Variants in SLC5A4 observed in about 807,000 individuals in gnomAD.
SLC5A4 encodes the protein probable glucose sensor protein SLC5A4.
Under a neutral mutation model 70.3 loss-of-function variants are expected in SLC5A4, and 55 were observed. The observed-to-expected ratio is 0.78, with a 90% CI of 0.63 to 0.98. SLC5A4 has a LOEUF of 0.98. Among genes scored for constraint, SLC5A4 ranks in the 50% least tolerant of loss-of-function variants. The probability of loss-of-function intolerance (pLI) is 0.00; values close to 1 mark genes in which losing one functional copy is unlikely to be tolerated. For missense variants in SLC5A4, 735 were observed against 839.2 expected, an observed-to-expected ratio of 0.88 and a Z score of 1.53; for synonymous variants, 268 against 305.7, an observed-to-expected ratio of 0.88 and a Z score of 1.29.
At chr22:32,300,298 A>G in the SLC5A4 span, among the ~76,000 whole-genome samples, 2 of 149,762 alleles carry the variant, frequency 1.3e-5, no homozygotes, top group Non-Finnish European at 3.0e-5. Context: ...TGTGCTAGCT[A>G]GCAATCAGGG....
At chr22:32,297,425 T>C in the SLC5A4 span, among the ~76,000 whole-genome samples, 2 of 150,564 alleles carry the variant, frequency 1.3e-5, no homozygotes, top group South Asian at 2.1e-4. Context: ...TTCTAGATTT[T>C]CTAGTTTATT....
chr22:32,233,385 C>T (rs1252111265), intron 8 of SLC5A4, among the ~76,000 whole-genome samples: 1 of 152,166 alleles, frequency 6.6e-6, no homozygotes, highest in Non-Finnish European at 1.5e-5. Flanking sequence ...AAATGTCACA[C>T]ATTCTCACTC....
At chr22:32,301,364 G>C in the SLC5A4 span, among the ~76,000 whole-genome samples, 2 of 152,198 alleles carry the variant, frequency 1.3e-5, no homozygotes, top group African/African-American at 2.4e-5. Context: ...TCTGATAGGT[G>C]TGTAGTGATA....
chr22:32,270,558 C>T, the SLC5A4 span: 8 of 719,604 alleles, frequency 1.1e-5, no homozygotes, highest in Non-Finnish European at 2.1e-5. Context: ...CAACCATATT[C>T]CCGCAGATGG....
At chr22:32,351,733 GCGGTGGGGGGAGGGC>G in the SLC5A4 span, among the ~76,000 whole-genome samples, 2 of 40,688 alleles carry the variant, frequency 4.9e-5, no homozygotes, top group Admixed American at 2.6e-4. Context: ...GAGGGTGGGG[GCGGTGGGGGGAGGGC>G]GGGGGGGGGG....
intron 5 of SLC5A4, among the ~76,000 whole-genome samples, chr22:32,239,597 T>TA (rs1926378863): frequency 3.6e-5 from 1 of 27,802 alleles, no homozygotes; most frequent in Non-Finnish European, 6.3e-5. Context: ...TATATATAAA[T>TA]TATATAAAAT....
the SLC5A4 span, chr22:32,272,417 TCG>T: frequency 2.2e-6 from 2 of 896,724 alleles, no homozygotes; most frequent in Non-Finnish European, 3.7e-6. Flanking sequence ...GCCTTCATGG[TCG>T]ACAGGCAGCT....
chr22:32,347,309 G>A, the SLC5A4 span, among the ~76,000 whole-genome samples: 1 of 152,054 alleles, frequency 6.6e-6, no homozygotes, highest in Middle Eastern at 3.4e-3. Context: ...ATTCCTCACG[G>A]ATCTAGAACT....
chr22:32,314,284 TTGAA>T, the SLC5A4 span, among the ~76,000 whole-genome samples: 1 of 152,164 alleles, frequency 6.6e-6, no homozygotes, highest in African/African-American at 2.4e-5. Flanking sequence ...TTGTACTTAC[TTGAA>T]TAATTTATTG....
At chr22:32,283,497 A>G in the SLC5A4 span, among the ~76,000 whole-genome samples, 1 of 152,234 alleles carries the variant, frequency 6.6e-6, no homozygotes, top group South Asian at 2.1e-4. Flanking sequence ...CAAAACAATC[A>G]ATCAGGCCCT....
the SLC5A4 span, chr22:32,276,795 C>G: frequency 6.6e-6 from 1 of 152,126 alleles, no homozygotes; most frequent in Non-Finnish European, 1.5e-5. Flanking sequence ...CTGAACTCTG[C>G]TCTTTCAAGA....
At chr22:32,272,039 A>G in the SLC5A4 span, 1 of 637,868 alleles carries the variant, frequency 1.6e-6, no homozygotes, top group Non-Finnish European at 2.9e-6. Context: ...TCATCTCCCT[A>G]GTCTGCTGGG....
chr22:32,232,794 T>C (rs1438375322), intron 9 of SLC5A4, 105 bp downstream of exon 9: 3 of 1,419,526 alleles, frequency 2.1e-6, no homozygotes, highest in Middle Eastern at 1.9e-4. Context: ...AAGTCTGCTT[T>C]TACTTCCTTC....
chr22:32,251,149 CA>C (rs1169115054), intron 3 of SLC5A4, among the ~76,000 whole-genome samples: 391 of 22,760 alleles, frequency 0.017, 4 homozygotes, highest in African/African-American at 0.03. Context: ...AACAAATAAG[CA>C]AAAAAAAAAA....
intron 1 of SLC5A4, 82 bp downstream of exon 1, chr22:32,255,113 T>A (rs374042799): frequency 5.3e-6 from 7 of 1,325,700 alleles, no homozygotes; most frequent in East Asian, 4.6e-5. Context: ...AAAAGCTTTG[T>A]CACAACCACA....
chr22:32,271,314 G>C, the SLC5A4 span: 1 of 741,854 alleles, frequency 1.3e-6, no homozygotes, highest in Non-Finnish European at 2.4e-6. Flanking sequence ...AGGAGGCCAT[G>C]TGCCAGGAGG....
At chr22:32,308,298 C>G in the SLC5A4 span, among the ~76,000 whole-genome samples, 3 of 138,470 alleles carry the variant, frequency 2.2e-5, no homozygotes, top group African/African-American at 8.5e-5. Flanking sequence ...GTCTGCACCT[C>G]CAGGAACCCC....
chr22:32,239,940 T>C (rs9606921), intron 5 of SLC5A4, among the ~76,000 whole-genome samples: 62,589 of 144,938 alleles, frequency 0.43, 14,012 homozygotes, highest in African/African-American at 0.52. Flanking sequence ...AGGAGAATGG[T>C]GTGAACCTGG....
At chr22:32,327,188 T>G in the SLC5A4 span, 1 of 152,262 alleles carries the variant, frequency 6.6e-6, no homozygotes, top group Non-Finnish European at 1.5e-5. Context: ...CACAGCAGCT[T>G]TACTGATGAC....
Sources: allele counts gnomAD v4.1 joint callset (sites outside exome capture counted in the v4.1 genomes callset), GRCh38; gene constraint gnomAD v4.1.1; transcripts MANE v1.5; gene names NCBI Gene and HGNC (gene_info 2026-07-23, HGNC 2026-07-21).